TRNAU1AP: variants seen among roughly 807,000 people sequenced by gnomAD.
TRNAU1AP encodes tRNA selenocysteine 1-associated protein 1.
In TRNAU1AP, 33 loss-of-function variants were observed where a neutral mutation model predicts 43.3. The ratio of observed to expected loss-of-function variants is 0.76; its 90% confidence interval spans 0.58 to 1.02. The LOEUF (loss-of-function observed/expected upper bound fraction) is 1.02. Among genes scored for constraint, TRNAU1AP ranks in the 50% least tolerant of loss-of-function variants. The probability of loss-of-function intolerance (pLI) is 0.00; values close to 1 mark genes in which losing one functional copy is unlikely to be tolerated. For synonymous variants in TRNAU1AP, 143 were observed against 129.1 expected, an observed-to-expected ratio of 1.11 and a Z score of -0.73; for missense variants, 290 against 362.7, an observed-to-expected ratio of 0.80 and a Z score of 1.63.
chr1:28,569,344 A>G (rs1434870955), intron 6 of TRNAU1AP, among the ~76,000 whole-genome samples: 2 of 152,134 alleles, frequency 1.3e-5, no homozygotes, highest in Non-Finnish European at 2.9e-5. Flanking sequence ...ACAATGAGCT[A>G]TGATAACTCC....
Position 28,557,898 on chromosome 1 carries a change from A to G in TRNAU1AP, c.126-2735A>G, listed in dbSNP as rs1665308789. On this transcript the variant is annotated intron_variant, in intron 2 of 8. Coordinates refer to ENST00000373830, the MANE Select transcript of TRNAU1AP (RefSeq NM_017846.5). ...CACCGCTCCCGGCCAACACCCAGCT[A>G]ATTTTTTTTTTTTTGGTTTGAGGCA... Among the ~76,000 whole-genome samples, 10 of 133,448 alleles carry G rather than the reference A, an allele frequency of 7.5e-5. No homozygotes were observed. In the South Asian group the frequency reaches 2.3e-3, roughly 30 times the overall value. The allele number at this position is 133,448 out of a possible 152,430, so 87.5% of individuals were successfully genotyped here.
chr1:28,556,847 C>A (rs370029417), intron 2 of TRNAU1AP, among the ~76,000 whole-genome samples: 17 of 152,188 alleles, frequency 1.1e-4, no homozygotes, highest in Admixed American at 2.6e-4. Flanking sequence ...CCACATCCAG[C>A]TAATTTTCTG....
chr1:28,564,581 G>A (rs1665494732), intron 4 of TRNAU1AP, 122 bp from the exon 5 acceptor site: 2 of 1,218,400 alleles, frequency 1.6e-6, no homozygotes, highest in Non-Finnish European at 1.1e-6. Context: ...GGCTGGTTAA[G>A]TAGACCCATC....
chr1:28,569,091 G>A (rs1003429623), intron 6 of TRNAU1AP, among the ~76,000 whole-genome samples: 16 of 152,102 alleles, frequency 1.1e-4, no homozygotes, highest in Non-Finnish European at 1.9e-4. Flanking sequence ...GATTACAGGC[G>A]TGAGCCACTG....
In TRNAU1AP at chr1:28,577,564, G is replaced by T; in HGVS notation, c.792G>T (p.Leu264=). The change falls in exon 9 of 9, where the codon CTG becomes CTT. Residue 264 remains leucine (L), a synonymous_variant. Transcript: ENST00000373830. ...NKEFMEQSEE[L]YDALMDCHWQ... ...AGTTCATGGAACAGAGTGAGGAGCTGTATGACGCTCTGATGGACTGTCACT... is the reference window on the plus strand; with the variant it reads ...AGTTCATGGAACAGAGTGAGGAGCTTTATGACGCTCTGATGGACTGTCACT... 1 of 1,614,150 alleles carries T rather than the reference G, an allele frequency of 6.2e-7. No individual in the cohort carries two copies. Among genetic ancestry groups the T allele is most frequent in the East Asian group, 2.2e-5 (1 of 44,888 alleles).
At chr1:28,569,535 C>CCA (rs1360252344) in intron 6 of TRNAU1AP, among the ~76,000 whole-genome samples, 4 of 148,484 alleles carry the variant, frequency 2.7e-5, no homozygotes, top group Non-Finnish European at 4.5e-5. Context: ...ACTAAAAATA[C>CCA]AAAAAATTAG....
At chr1:28,571,809 G>A (rs371826418) in intron 7 of TRNAU1AP, 58 bp from the exon 8 acceptor site, 1 of 1,439,882 alleles carries the variant, frequency 6.9e-7, no homozygotes, top group Non-Finnish European at 9.7e-7. Context: ...ATAAGCCACT[G>A]TGGTCCTGGG....
intron 4 of TRNAU1AP, 35 bp downstream of exon 4, chr1:28,561,433 T>C (rs1665401799): frequency 1.2e-6 from 2 of 1,612,544 alleles, no homozygotes; most frequent in Middle Eastern, 1.7e-4. Flanking sequence ...AGACATAAGA[T>C]GTGTCACTGT....
intron 8 of TRNAU1AP, among the ~76,000 whole-genome samples, chr1:28,574,918 TG>T (rs1665739808): frequency 6.6e-6 from 1 of 151,940 alleles, no homozygotes; most frequent in African/African-American, 2.4e-5. Context: ...AGTGACCTTG[TG>T]GGGTGGGCTG....
At chr1:28,574,130 G>T (rs1393551905) in intron 8 of TRNAU1AP, among the ~76,000 whole-genome samples, 1 of 149,346 alleles carries the variant, frequency 6.7e-6, no homozygotes, top group South Asian at 2.1e-4. Context: ...ACCCAGGCTG[G>T]AGTGCAGTGG....
chr1:28,561,432 AT>A (rs1665401854), intron 4 of TRNAU1AP, 34 bp downstream of exon 4: 1 of 1,612,370 alleles, frequency 6.2e-7, no homozygotes, highest in Non-Finnish European at 8.5e-7. Context: ...CAGACATAAG[AT>A]GTGTCACTGT....
At chr1:28,572,848 T>A (rs1365886349) in intron 8 of TRNAU1AP, among the ~76,000 whole-genome samples, 1 of 150,794 alleles carries the variant, frequency 6.6e-6, no homozygotes, top group African/African-American at 2.4e-5. Flanking sequence ...GGCAGGAGAA[T>A]GGCGTGAACC....
intron 8 of TRNAU1AP, among the ~76,000 whole-genome samples, chr1:28,576,229 C>A (rs1225149146): frequency 6.6e-6 from 1 of 151,130 alleles, no homozygotes; most frequent in South Asian, 2.1e-4. Flanking sequence ...ACATGCCTCA[C>A]TGCAGCCTCG....
intron 8 of TRNAU1AP, 142 bp downstream of exon 8, chr1:28,572,042 G>A: frequency 3.9e-6 from 3 of 764,606 alleles, no homozygotes; most frequent in Non-Finnish European, 6.9e-6. Context: ...AGACAAATAT[G>A]TAATTATGGT....
In TRNAU1AP at chr1:28,564,708, A is replaced by T; in HGVS notation, c.284A>T (p.Glu95Val). The change falls in exon 5 of 9, where the codon GAG becomes GTG. Residue 95 changes from glutamate (E) to valine (V), a missense_variant. Transcript: ENST00000373830. ...TYGKQPDNSP[E>V]YSLFVGDLTP... ...TTCTTGTTCTCTCTCCTCAGCCCTG[A>T]GTATTCCCTCTTTGTGGGGGACCTG... 6.2e-7 allele frequency: 1 copy of T among 1,613,756 alleles called. No homozygotes were observed. The highest frequency in any genetic ancestry group is 8.5e-7 in the Non-Finnish European group (1 of 1,179,876).
At chr1:28,556,754 G>C (rs1665274459) in intron 2 of TRNAU1AP, among the ~76,000 whole-genome samples, 1 of 152,012 alleles carries the variant, frequency 6.6e-6, no homozygotes, top group Non-Finnish European at 1.5e-5. Context: ...TGCGATCTCA[G>C]CTCACTGCAA....
chr1:28,573,777 A>G (rs936786062), intron 8 of TRNAU1AP, among the ~76,000 whole-genome samples: 11 of 151,560 alleles, frequency 7.3e-5, no homozygotes, highest in African/African-American at 1.9e-4. Context: ...TGTCTCAAAA[A>G]AAAAAAAAAA....
chr1:28,572,392 C>T (rs922036696), intron 8 of TRNAU1AP, among the ~76,000 whole-genome samples: 3 of 151,766 alleles, frequency 2.0e-5, no homozygotes, highest in African/African-American at 7.3e-5. Context: ...GACAGGGTTT[C>T]TCCATGTTGG....
intron 6 of TRNAU1AP, 92 bp from the exon 7 acceptor site, chr1:28,571,084 C>G: frequency 7.9e-7 from 1 of 1,263,454 alleles, no homozygotes; most frequent in Non-Finnish European, 1.1e-6. Context: ...AAAAGTTAAT[C>G]GGTATAAAGC....
Sources: allele counts gnomAD v4.1 joint callset (sites outside exome capture counted in the v4.1 genomes callset), GRCh38; gene constraint gnomAD v4.1.1; transcripts MANE v1.5; gene names NCBI Gene and HGNC (gene_info 2026-07-23, HGNC 2026-07-21).